Variants in BPTF observed in about 807,000 individuals in gnomAD.
BPTF encodes bromodomain PHD finger transcription factor.
A neutral mutation model predicts 292.5 loss-of-function variants in BPTF; 18 were observed. The ratio of observed to expected loss-of-function variants is 0.06; its 90% CI spans 0.04 to 0.09. The LOEUF (loss-of-function observed/expected upper bound fraction) is 0.09. Among genes scored for constraint, BPTF ranks in the 10% least tolerant of loss-of-function variants. The pLI is 1.00. For missense variants in BPTF, 2,726 were observed against 3,498.7 expected (o/e 0.78, Z 5.57); for synonymous variants, 1,225 against 1,251.9 (o/e 0.98, Z 0.45).
chr17:67,958,541 A>G (rs537291549), intron 23 of BPTF, among the ~76,000 whole-genome samples: 1 of 152,314 alleles, frequency 6.6e-6, no homozygotes, highest in South Asian at 2.1e-4. Flanking sequence ...CAGCCTAGCC[A>G]ACATAATGAA....
At chr17:67,940,740 T>A in intron 19 of BPTF, 84 bp downstream of exon 19, 1 of 1,415,426 alleles carries the variant, frequency 7.1e-7, no homozygotes, top group Non-Finnish European at 9.7e-7. Context: ...CTTATTTTGA[T>A]ACGTTTTTAA....
intron 7 of BPTF, among the ~76,000 whole-genome samples, chr17:67,896,510 A>AT (rs2061466466): frequency 6.6e-6 from 1 of 151,994 alleles, no homozygotes; most frequent in Admixed American, 6.6e-5. Context: ...TAAAATAAAA[A>AT]TTTTTAAAAA....
intron 1 of BPTF, among the ~76,000 whole-genome samples, chr17:67,832,848 C>T (rs1468574266): frequency 1.5e-5 from 2 of 132,978 alleles, no homozygotes; most frequent in Non-Finnish European, 3.0e-5. Context: ...AGTGGAGTGG[C>T]GGGATCTCAG....
chr17:67,977,512 C>T (rs2069648322), intron 27 of BPTF, among the ~76,000 whole-genome samples: 1 of 149,144 alleles, frequency 6.7e-6, no homozygotes, highest in African/African-American at 2.5e-5. Flanking sequence ...GAGACTCCAT[C>T]TCAGAAGAAA....
intron 1 of BPTF, among the ~76,000 whole-genome samples, chr17:67,843,801 T>C (rs1349365141): frequency 7.1e-6 from 1 of 139,888 alleles, no homozygotes; most frequent in Non-Finnish European, 1.5e-5. Flanking sequence ...GTTTTGCTCT[T>C]GTTGCCCAGG....
intron 2 of BPTF, among the ~76,000 whole-genome samples, chr17:67,857,783 T>C (rs1452919376): frequency 1.9e-5 from 1 of 51,828 alleles, no homozygotes; most frequent in Non-Finnish European, 3.1e-5. Flanking sequence ...TATTTCTTTC[T>C]TTTTTTTTTT....
At chr17:67,892,796 A>G (rs1042511874) in intron 5 of BPTF, among the ~76,000 whole-genome samples, 2 of 152,128 alleles carry the variant, frequency 1.3e-5, no homozygotes, top group Non-Finnish European at 2.9e-5. Flanking sequence ...GCACTCTGAT[A>G]TTTTCTGTGC....
chr17:67,857,880 C>T lies in BPTF; in HGVS notation c.1436+3118C>T, dbSNP rs552556042. 1.5e-3 allele frequency among the ~76,000 whole-genome samples: 218 copies of T among 150,256 alleles called. 1 individual carries two copies. Among genetic ancestry groups the T allele is most frequent in the African/African-American group, 4.8e-3 (196 of 40,780 alleles). On this transcript the variant is annotated intron_variant, in intron 2 of 27. Transcript: ENST00000306378. ...TTGGCTCACTGCAACCTCCATCTCC[C>T]AGGTTCAAGCGATTCTCCTGCCTCA...
chr17:67,899,527 T>G (rs34028031), intron 7 of BPTF, among the ~76,000 whole-genome samples: 2 of 146,708 alleles, frequency 1.4e-5, no homozygotes, highest in Non-Finnish European at 2.9e-5. Flanking sequence ...ATGCTGAGTT[T>G]TTTTTCTTTT....
At chr17:67,900,408 T>G (rs2061750802) in intron 7 of BPTF, among the ~76,000 whole-genome samples, 1 of 151,376 alleles carries the variant, frequency 6.6e-6, no homozygotes, top group African/African-American at 2.4e-5. Flanking sequence ...TTCAGCCAAA[T>G]GTAACAAGAA....
chr17:67,839,127 A>G (rs1056352969), intron 1 of BPTF, among the ~76,000 whole-genome samples: 1 of 151,946 alleles, frequency 6.6e-6, no homozygotes. Flanking sequence ...GAACCTGGGT[A>G]ATAAAAAAAA....
chr17:67,962,580 G>GA (rs2067623905), intron 24 of BPTF, among the ~76,000 whole-genome samples: 1 of 152,186 alleles, frequency 6.6e-6, no homozygotes, highest in Non-Finnish European at 1.5e-5. Flanking sequence ...GTGTTGAACT[G>GA]AAGCATCTCC....
At position 67,854,482 on chromosome 17, in the gene BPTF, G is replaced by A; in HGVS notation, c.1156G>A (p.Val386Met). The A allele has an allele frequency of 6.2e-7, 1 of 1,614,214 alleles. No individual in the cohort carries two copies. The highest frequency in any genetic ancestry group is 8.5e-7 in the Non-Finnish European group (1 of 1,180,038). ...TCGAGAGGAATTGATGTCTGAAGGG[G>A]TGATACAGTATGATGACCATTGTAG... Reference protein sequence around the residue: ...IAREELMSEGVIQYDDHCRVC... With the variant: ...IAREELMSEGMIQYDDHCRVC... The change falls in exon 2 of 28, where the codon GTG becomes ATG. Residue 386 changes from valine (V) to methionine (M), a missense_variant. Physicochemically the swap from Val to Met is conservative, Grantham distance 21. Coordinates refer to ENST00000306378, the MANE Select transcript of BPTF (RefSeq NM_182641.4). This position sits in a 1 kb window ranked among gnomAD's most constrained non-coding sequence, Gnocchi z 5.6.
At chr17:67,880,947 T>TTA (rs67013040) in intron 4 of BPTF, among the ~76,000 whole-genome samples, 1,267 of 109,924 alleles carry the variant, frequency 0.012, 7 homozygotes, top group South Asian at 0.021. Context: ...TGTATGTATA[T>TTA]TATATATATA....
chr17:67,863,534 T>G (rs1225320110), intron 2 of BPTF, among the ~76,000 whole-genome samples: 2 of 152,214 alleles, frequency 1.3e-5, no homozygotes, highest in African/African-American at 4.8e-5. Flanking sequence ...TCTGCCCGCC[T>G]TGGCCTCTCA....
chr17:67,865,258 G>A (rs2059332507), intron 2 of BPTF, among the ~76,000 whole-genome samples: 1 of 152,134 alleles, frequency 6.6e-6, no homozygotes, highest in South Asian at 2.1e-4. Flanking sequence ...TTATTTATCT[G>A]TGATTTAATA....
intron 2 of BPTF, among the ~76,000 whole-genome samples, chr17:67,863,601 T>C (rs1303302468): frequency 6.6e-6 from 1 of 152,202 alleles, no homozygotes; most frequent in African/African-American, 2.4e-5. Flanking sequence ...TTCTTTTCTA[T>C]GTGTCACCTT....
At chr17:67,952,173 G>C (rs1472682899) in intron 23 of BPTF, among the ~76,000 whole-genome samples, 20 of 151,282 alleles carry the variant, frequency 1.3e-4, no homozygotes, top group Non-Finnish European at 2.2e-4. Flanking sequence ...ATATGTACTG[G>C]CATATTTTAA....
chr17:67,874,709 A>G, intron 3 of BPTF, 108 bp from the exon 4 acceptor site: 1 of 696,098 alleles, frequency 1.4e-6, no homozygotes, highest in Non-Finnish European at 2.4e-6. Flanking sequence ...AAAATACTTA[A>G]TTTTTCCTCT....
Sources: gnomAD v4.1 joint callset for allele counts (sites outside exome capture counted in the v4.1 genomes callset) on GRCh38, gnomAD v4.1.1 for gene constraint, Gnocchi (gnomAD v3.1) non-coding constraint, MANE v1.5 for transcripts, NCBI Gene and HGNC (gene_info 2026-07-23, HGNC 2026-07-21) for gene names.